Variants in NLGN4X observed in about 807,000 individuals in gnomAD.
The protein encoded by NLGN4X is neuroligin-4, X-linked.
Under a neutral mutation model 40.3 loss-of-function variants are expected in NLGN4X, and 3 were observed. The ratio of observed to expected loss-of-function variants is 0.07; its 90% CI spans 0.03 to 0.19. NLGN4X has a LOEUF of 0.19. Among genes scored for constraint, NLGN4X ranks in the 10% least tolerant of loss-of-function variants. The pLI is 1.00. For missense variants in NLGN4X, 382 were observed against 708.3 expected, an observed-to-expected ratio of 0.54 and a Z score of 5.23; for synonymous variants, 270 against 306.8, an observed-to-expected ratio of 0.88 and a Z score of 1.25.
intron 3 of NLGN4X, among the ~76,000 whole-genome samples, chrX:5,934,779 A>G (rs1217695774): frequency 8.9e-6 from 1 of 112,554 alleles, no homozygotes; most frequent in Non-Finnish European, 1.9e-5. Context: ...CAGAAAGGGA[A>G]CATAATAGAG....
intron 3 of NLGN4X, among the ~76,000 whole-genome samples, chrX:6,023,608 G>A (rs1326256219): frequency 8.9e-6 from 1 of 111,883 alleles, no homozygotes; most frequent in African/African-American, 3.3e-5. Flanking sequence ...TTACCTCAAA[G>A]CATTCATCTC....
intron 3 of NLGN4X, among the ~76,000 whole-genome samples, chrX:5,958,958 G>A (rs187125198): frequency 8.9e-6 from 1 of 112,206 alleles, no homozygotes; most frequent in East Asian, 2.8e-4. Flanking sequence ...GTTACCTACT[G>A]TTAGGTAAGG....
intron 1 of NLGN4X, among the ~76,000 whole-genome samples, chrX:6,181,965 C>T (rs1478814191): frequency 9.0e-6 from 1 of 111,438 alleles, no homozygotes; most frequent in African/African-American, 3.3e-5. Context: ...GGGAGCAGGT[C>T]ATGGAAGGCT....
intron 3 of NLGN4X, among the ~76,000 whole-genome samples, chrX:5,982,124 C>A (rs2035405858): frequency 8.9e-6 from 1 of 112,246 alleles, no homozygotes; most frequent in Admixed American, 9.5e-5. Flanking sequence ...GCCAAACATA[C>A]ATTTCCCAAG....
At chrX:5,992,632 T>G (rs1419812833) in intron 3 of NLGN4X, among the ~76,000 whole-genome samples, 1 of 111,197 alleles carries the variant, frequency 9.0e-6, no homozygotes, top group Non-Finnish European at 1.9e-5. Flanking sequence ...AAAAGAGGTT[T>G]ATTTGGCTCA....
intron 2 of NLGN4X, among the ~76,000 whole-genome samples, chrX:6,061,964 A>C (rs2037782667): frequency 9.0e-6 from 1 of 111,559 alleles, no homozygotes; most frequent in Non-Finnish European, 1.9e-5. Flanking sequence ...CTCTCTTGAT[A>C]ATTTTATTCC....
In NLGN4X at chrX:5,958,339, T is replaced by TA. The variant is rs35151172; in HGVS notation, c.626-49101dup. Among the ~76,000 whole-genome samples the TA allele has an allele frequency of 4.1e-4, 45 of 110,614 alleles. No individual in the cohort carries two copies. The East Asian group carries it at 6.8e-3, about 17-fold the overall frequency. On this transcript the variant is annotated intron_variant, in intron 3 of 5. Coordinates refer to ENST00000381095, the MANE Select transcript of NLGN4X (RefSeq NM_181332.3). ...TAGGTACTGTCATGCATCTTTTTGT[T>TA]AAAAAAAAATCTGTCATTAAGTGGA...
chrX:6,136,683 G>C (rs904320206), intron 2 of NLGN4X, among the ~76,000 whole-genome samples: 4 of 112,446 alleles, frequency 3.6e-5, no homozygotes, highest in African/African-American at 1.3e-4. Flanking sequence ...CATGGAAGTG[G>C]TGTTCCATTA....
chrX:6,029,483 A>G, intron 2 of NLGN4X, 51 bp from the exon 3 acceptor site: 3 of 1,129,697 alleles, frequency 2.7e-6, no homozygotes, highest in Non-Finnish European at 3.6e-6. Context: ...ACACTGACTC[A>G]CCAATGCTAA....
intron 1 of NLGN4X, among the ~76,000 whole-genome samples, chrX:6,178,622 A>C (rs1921065236): frequency 8.9e-6 from 1 of 112,457 alleles, no homozygotes; most frequent in Non-Finnish European, 1.9e-5. Flanking sequence ...AATTCTAAAG[A>C]AACAAATGCC....
intron 3 of NLGN4X, among the ~76,000 whole-genome samples, chrX:5,969,570 T>C (rs2034951710): frequency 9.0e-6 from 1 of 111,332 alleles, no homozygotes. Flanking sequence ...TTTTACACTG[T>C]TGGCGGGACT....
intron 3 of NLGN4X, among the ~76,000 whole-genome samples, chrX:5,931,457 A>G (rs1266695008): frequency 8.9e-6 from 1 of 111,765 alleles, no homozygotes; most frequent in Non-Finnish European, 1.9e-5. Context: ...GTTAATTGGT[A>G]TATTAGCTAA....
chrX:5,899,627 A>C (rs2031725806), intron 5 of NLGN4X, among the ~76,000 whole-genome samples: 1 of 110,610 alleles, frequency 9.0e-6, no homozygotes, highest in Non-Finnish European at 1.9e-5. Context: ...ATTTGGTGTC[A>C]GCAGTGATAA....
chrX:5,978,725 A>C (rs2035284372), intron 3 of NLGN4X, among the ~76,000 whole-genome samples: 1 of 112,275 alleles, frequency 8.9e-6, no homozygotes, highest in Admixed American at 9.5e-5. Context: ...GTAAAAGTAT[A>C]AACTGTACAT....
intron 3 of NLGN4X, among the ~76,000 whole-genome samples, chrX:5,921,146 T>C (rs868675400): frequency 1.2e-4 from 5 of 43,270 alleles, no homozygotes; most frequent in East Asian, 3.8e-3. Flanking sequence ...TATATATATA[T>C]ACATATATAT....
At chrX:5,920,059 A>G (rs1201808656) in intron 3 of NLGN4X, among the ~76,000 whole-genome samples, 1 of 111,769 alleles carries the variant, frequency 8.9e-6, no homozygotes, top group Non-Finnish European at 1.9e-5. Flanking sequence ...ATTTGCTCCT[A>G]TGTTTTCTTC....
At chrX:5,934,253 G>C (rs1207883924) in intron 3 of NLGN4X, among the ~76,000 whole-genome samples, 1 of 111,448 alleles carries the variant, frequency 9.0e-6, no homozygotes, top group Non-Finnish European at 1.9e-5. Flanking sequence ...CTTTTTTAAG[G>C]CTGAAGAATA....
At chrX:6,199,167 A>G (rs1365788945) in intron 1 of NLGN4X, among the ~76,000 whole-genome samples, 2 of 111,892 alleles carry the variant, frequency 1.8e-5, no homozygotes, top group Admixed American at 1.9e-4. Flanking sequence ...GTTCAAATGA[A>G]CATAAATGAC....
At chrX:6,219,740 T>G (rs756014492) in intron 1 of NLGN4X, among the ~76,000 whole-genome samples, 1 of 110,319 alleles carries the variant, frequency 9.1e-6, no homozygotes, top group East Asian at 2.8e-4. Flanking sequence ...CTTAAAGTAT[T>G]AAAGAGAAAA....
Sources: gnomAD v4.1 joint callset for allele counts (sites outside exome capture counted in the v4.1 genomes callset) on GRCh38, gnomAD v4.1.1 for gene constraint, MANE v1.5 for transcripts, NCBI Gene and HGNC (gene_info 2026-07-23, HGNC 2026-07-21) for gene names.